The following CCDC85A variants were observed in gnomAD, a reference collection of about 807,000 sequenced individuals.
CCDC85A encodes coiled-coil domain-containing protein 85A.
In CCDC85A, 38 loss-of-function variants were observed where a neutral mutation model predicts 50.2. The ratio of observed to expected loss-of-function variants is 0.76; its 90% CI spans 0.58 to 0.99. The LOEUF is 0.99. CCDC85A is among the 50% of genes least tolerant of loss of function. The pLI is 0.00. For synonymous variants in CCDC85A, 366 were observed against 301.4 expected, an observed-to-expected ratio of 1.21 and a Z score of -2.22; for missense variants, 820 against 742.0, an observed-to-expected ratio of 1.11 and a Z score of -1.22.
At chr2:56,383,472 T>C (rs1464826568) in intron 5 of CCDC85A, 1 of 442,196 alleles carries the variant, frequency 2.3e-6, no homozygotes, top group Admixed American at 6.4e-5. Flanking sequence ...AATTCGGTAG[T>C]TTTACGTTTA....
At chr2:56,379,802 A>G in intron 5 of CCDC85A, 1 of 984,972 alleles carries the variant, frequency 1.0e-6, no homozygotes, top group South Asian at 4.7e-5. Context: ...GAGTATGAAC[A>G]TGACCTTAGT....
intron 2 of CCDC85A, among the ~76,000 whole-genome samples, chr2:56,256,300 C>G (rs542508536): frequency 2.0e-5 from 3 of 152,246 alleles, no homozygotes; most frequent in Non-Finnish European, 4.4e-5. Flanking sequence ...GACTACACAT[C>G]TTTTTAAGCA....
chr2:56,254,583 T>C (rs1669902327), intron 2 of CCDC85A, among the ~76,000 whole-genome samples: 1 of 152,222 alleles, frequency 6.6e-6, no homozygotes, highest in South Asian at 2.1e-4. Flanking sequence ...TGTTCTAGAC[T>C]GGGTTTTAAT....
chr2:56,354,748 G>A (rs1675135612), intron 3 of CCDC85A, among the ~76,000 whole-genome samples: 1 of 152,196 alleles, frequency 6.6e-6, no homozygotes, highest in Non-Finnish European at 1.5e-5. Flanking sequence ...TAAATTATAG[G>A]TGTTAGCTTA....
In CCDC85A at chr2:56,365,689, A is replaced by C. The variant is rs142041727; in HGVS notation, c.1318-6655A>C. Among the ~76,000 whole-genome samples the C allele has an allele frequency of 9.5e-4, 144 of 152,352 alleles. 2 individuals carry two copies. In the East Asian group the frequency reaches 0.027, roughly 29 times the overall value. ...TACTGTGTACAACATGATGTTTTAA[A>C]GTATTAGACATCGTGGAATGACTTA... On this transcript the variant is annotated intron_variant, in intron 3 of 5. Coordinates refer to ENST00000407595, the MANE Select transcript of CCDC85A (RefSeq NM_001080433.2).
intron 2 of CCDC85A, among the ~76,000 whole-genome samples, chr2:56,295,172 G>A (rs1198767060): frequency 2.6e-5 from 4 of 152,086 alleles, no homozygotes; most frequent in African/African-American, 4.8e-5. Flanking sequence ...CTCCCTAAAT[G>A]CCCCATCCCC....
chr2:56,244,217 T>C (rs376779387), intron 2 of CCDC85A, among the ~76,000 whole-genome samples: 38 of 151,972 alleles, frequency 2.5e-4, no homozygotes, highest in African/African-American at 8.7e-4. Context: ...GGGCCTGGAG[T>C]TGGAAACCAT....
intron 2 of CCDC85A, among the ~76,000 whole-genome samples, chr2:56,258,450 T>C (rs958146762): frequency 3.9e-5 from 6 of 152,214 alleles, no homozygotes; most frequent in African/African-American, 7.2e-5. Flanking sequence ...TCACCACCCC[T>C]CGTCAGACTT....
At chr2:56,293,182 T>C (rs1215420485) in intron 2 of CCDC85A, among the ~76,000 whole-genome samples, 1 of 152,212 alleles carries the variant, frequency 6.6e-6, no homozygotes, top group Non-Finnish European at 1.5e-5. Context: ...ATGTACTTGT[T>C]ACAACATTCT....
At chr2:56,353,120 G>A (rs763989835) in intron 3 of CCDC85A, among the ~76,000 whole-genome samples, 14 of 152,124 alleles carry the variant, frequency 9.2e-5, no homozygotes, top group Non-Finnish European at 1.6e-4. Context: ...CTACCTCACT[G>A]GATTCTAAAG....
chr2:56,310,028 T>C (rs1167835504), intron 2 of CCDC85A, among the ~76,000 whole-genome samples: 1 of 152,198 alleles, frequency 6.6e-6, no homozygotes, highest in Non-Finnish European at 1.5e-5. Context: ...CATCACCTTT[T>C]ACCTGTTTGT....
At chr2:56,275,144 T>A (rs1573151356) in intron 2 of CCDC85A, among the ~76,000 whole-genome samples, 1 of 152,150 alleles carries the variant, frequency 6.6e-6, no homozygotes, top group East Asian at 1.9e-4. Flanking sequence ...GGGGAATTAT[T>A]CAGTTCACAG....
chr2:56,353,162 C>G lies in CCDC85A; in HGVS notation c.1317+10207C>G, dbSNP rs183935890. Among the ~76,000 whole-genome samples the G allele has an allele frequency of 3.0e-3, 454 of 152,284 alleles. 3 individuals are homozygous for G. The highest frequency in any genetic ancestry group is 0.024 in the Middle Eastern group (7 of 294). ...AAGTTTCATTAGATAGCTATTAAATCTATTTAAATAACATACAGTCATGGA... is the reference window on the plus strand; with the variant it reads ...AAGTTTCATTAGATAGCTATTAAATGTATTTAAATAACATACAGTCATGGA... On this transcript the variant is annotated intron_variant, in intron 3 of 5. Coordinates refer to ENST00000407595, the MANE Select transcript of CCDC85A (RefSeq NM_001080433.2).
At chr2:56,183,928 T>G (rs1675872169), upstream of CCDC85A, 3 of 985,276 alleles carry the variant, frequency 3.0e-6, no homozygotes, top group South Asian at 4.7e-5. Context: ...CGGGAGCTGC[T>G]GCGGGTTACG....
At chr2:56,197,866 G>A (rs1676589162) in intron 2 of CCDC85A, among the ~76,000 whole-genome samples, 1 of 152,200 alleles carries the variant, frequency 6.6e-6, no homozygotes. Flanking sequence ...TCTGACATAT[G>A]AGTAGGCTCA....
At chr2:56,361,129 C>T (rs1160718840) in intron 3 of CCDC85A, among the ~76,000 whole-genome samples, 1 of 152,130 alleles carries the variant, frequency 6.6e-6, no homozygotes, top group East Asian at 1.9e-4. Context: ...TGGCGGGTGC[C>T]TGTAGTCCCA....
intron 3 of CCDC85A, among the ~76,000 whole-genome samples, chr2:56,370,999 G>T (rs1414507842): frequency 6.6e-6 from 1 of 152,072 alleles, no homozygotes; most frequent in African/African-American, 2.4e-5. Context: ...GGTGGGAGGT[G>T]AGTATTAAGC....
intron 2 of CCDC85A, among the ~76,000 whole-genome samples, chr2:56,233,376 C>T (rs1668860104): frequency 6.6e-6 from 1 of 152,114 alleles, no homozygotes; most frequent in Non-Finnish European, 1.5e-5. Context: ...TGAAGAATAG[C>T]AGAGGGAATA....
intron 2 of CCDC85A, among the ~76,000 whole-genome samples, chr2:56,319,269 G>A (rs1673057678): frequency 6.6e-6 from 1 of 152,100 alleles, no homozygotes; most frequent in Non-Finnish European, 1.5e-5. Flanking sequence ...CTGAGACACA[G>A]GAGTTTAATA....
Sources: gnomAD v4.1 joint callset for allele counts (sites outside exome capture counted in the v4.1 genomes callset) on GRCh38, gnomAD v4.1.1 for gene constraint, MANE v1.5 for transcripts, NCBI Gene and HGNC (gene_info 2026-07-23, HGNC 2026-07-21) for gene names.